SLC38A4: variants seen among roughly 807,000 people sequenced by gnomAD.
SLC38A4 encodes the protein solute carrier family 38 member 4.
Under a neutral mutation model 63.1 loss-of-function variants are expected in SLC38A4, and 20 were observed. The ratio of observed to expected loss-of-function variants is 0.32; its 90% CI spans 0.22 to 0.46. The LOEUF is 0.46. Ranked by LOEUF, SLC38A4 falls within the 20% of genes least tolerant of loss-of-function variation. SLC38A4 has a pLI of 1.00. For missense variants in SLC38A4, 526 were observed against 663.6 expected (o/e 0.79, Z 2.28); for synonymous variants, 230 against 225.5 (o/e 1.02, Z -0.18).
intron 7 of SLC38A4, among the ~76,000 whole-genome samples, chr12:46,783,020 A>ATGTGTGTG (rs71437771): frequency 0.071 from 7,396 of 103,586 alleles, 310 homozygotes; most frequent in South Asian, 0.15. Flanking sequence ...GAGAGAGAAA[A>ATGTGTGTG]TGTGTGTGTG....
In SLC38A4 at chr12:46,779,956, T is replaced by C. The variant is rs1215184413; in HGVS notation, c.568A>G (p.Asn190Asp). ...VIRAFMGLEENTGEWYLNGNY... is the reference protein window; with the variant it reads ...VIRAFMGLEEDTGEWYLNGNY... Reference sequence around the variant, plus strand: ...AGGGAGCATAAGACATACCCAGTATTTTCTTCAAGTCCCATGAATGCTCTG... The same window carrying C: ...AGGGAGCATAAGACATACCCAGTATCTTCTTCAAGTCCCATGAATGCTCTG... The change falls in exon 8 of 17, where the codon AAT (asparagine) becomes GAT (aspartate). Residue 190 changes from asparagine to aspartate, a missense_variant. Coordinates refer to ENST00000266579, the MANE Select transcript of SLC38A4 (RefSeq NM_018018.5). 5.0e-6 allele frequency: 8 copies of C among 1,612,268 alleles called. No individual in the cohort carries two copies. Among genetic ancestry groups the C allele is most frequent in the Non-Finnish European group, 5.9e-6 (7 of 1,178,796 alleles).
At chr12:46,823,942 TC>T (rs1359298184) in intron 1 of SLC38A4, among the ~76,000 whole-genome samples, 2 of 152,234 alleles carry the variant, frequency 1.3e-5, no homozygotes. Flanking sequence ...TGAAGGGACC[TC>T]TGGGAGACCT....
At chr12:46,774,916 G>T (rs2120756930) in intron 14 of SLC38A4, 133 bp downstream of exon 14, 1 of 1,042,242 alleles carries the variant, frequency 9.6e-7, no homozygotes. Flanking sequence ...GACTCAAAAT[G>T]CTATAGGAAA....
In SLC38A4 at chr12:46,779,654, G is replaced by A; in HGVS notation, c.674C>T (p.Thr225Ile). The change falls in exon 10 of 17, where the codon ACC (threonine) becomes ATC (isoleucine). Residue 225 changes from threonine (T) to isoleucine (I), a missense_variant. By Grantham distance (89) the Thr-to-Ile change is moderately conservative. Coordinates refer to ENST00000266579, the MANE Select transcript of SLC38A4 (RefSeq NM_018018.5). ...LLKNLGYLGY[T>I]SGFSLTCMVF... ...CATGCAGGTAAGAGAAAATCCACTGGTATAGCCAAGATAACCTAGAAGTTA... is the reference window on the plus strand; with the variant it reads ...CATGCAGGTAAGAGAAAATCCACTGATATAGCCAAGATAACCTAGAAGTTA... 1.2e-6 allele frequency: 2 copies of A among 1,607,796 alleles called. No homozygotes were observed. Among genetic ancestry groups the A allele is most frequent in the Non-Finnish European group, 1.7e-6 (2 of 1,177,914 alleles).
At chr12:46,814,490 A>G (rs1302847131) in intron 1 of SLC38A4, among the ~76,000 whole-genome samples, 1 of 151,930 alleles carries the variant, frequency 6.6e-6, no homozygotes, top group Non-Finnish European at 1.5e-5. Context: ...GCTTTGGGTT[A>G]ATCTTTTTTG....
intron 2 of SLC38A4, among the ~76,000 whole-genome samples, chr12:46,798,472 T>C (rs1939062012): frequency 6.6e-6 from 1 of 152,082 alleles, no homozygotes; most frequent in Non-Finnish European, 1.5e-5. Flanking sequence ...CCAGCCCCTC[T>C]AGGGGGCCAT....
At position 46,799,614 on chromosome 12, in the gene SLC38A4, T is replaced by G. The variant is rs113927872; in HGVS notation, c.-113+3989A>C. Among the ~76,000 whole-genome samples, 131 of 152,236 alleles carry G rather than the reference T, an allele frequency of 8.6e-4. 3 individuals are homozygous for G. The highest frequency in any genetic ancestry group is 3.0e-3 in the African/African-American group (126 of 41,558). On this transcript the variant is annotated intron_variant, in intron 2 of 16. Coordinates refer to ENST00000266579, the MANE Select transcript of SLC38A4 (RefSeq NM_018018.5). ...TCTCAAAAAAAAATGTATTCTATTT[T>G]TGCCTTGGCCAAGGGAGCTCTCACA...
chr12:46,831,700 C>G (rs1386962304), intron 1 of SLC38A4, among the ~76,000 whole-genome samples: 1 of 152,226 alleles, frequency 6.6e-6, no homozygotes, highest in Non-Finnish European at 1.5e-5. Flanking sequence ...TGGGGCGACC[C>G]AGCTATCAGA....
intron 10 of SLC38A4, among the ~76,000 whole-genome samples, chr12:46,779,063 T>C (rs1017324140): frequency 2.6e-5 from 4 of 152,004 alleles, no homozygotes; most frequent in Non-Finnish European, 5.9e-5. Flanking sequence ...TCCTTATTTC[T>C]TCAAACTAAG....
Position 46,775,115 on chromosome 12 carries a change from A to G in SLC38A4, c.1233T>C (p.Pro411=), listed in dbSNP as rs180414. The G allele has an allele frequency of 4.8e-4, 773 of 1,612,892 alleles. 5 individuals are homozygous for G. The African/African-American group carries it at 8.9e-3, about 19-fold the overall frequency. The part of the protein sequence containing the change: ...AYSKVYTLDI[P]LLMVRLAVLV... ...GGACTGCCAGGCGAACCATGAGAAG[A>G]GGGATGTCTAATGTATACACTTTGC... is the stretch of plus-strand genomic sequence containing the variant. Residue 411 remains proline (P), a synonymous_variant, in exon 14 of 17, where the codon CCT becomes CCC. Transcript: ENST00000266579.
rs139504322 is a variant in SLC38A4 at position 46,769,294 on chromosome 12, G to T, written c.1434C>A (p.Phe478Leu). ...CTTTCTGAAACTCACCTATGAATCC[G>T]AAGATGTATTTTATAGTTGGCACAA... ...VILVPTIKYI[F>L]GFIGASSATM... The change falls in exon 15 of 17, where the codon TTC becomes TTA. Residue 478 changes from phenylalanine to leucine, a missense_variant. By Grantham distance (22) the Phe-to-Leu change is conservative (BLOSUM62 0). Coordinates refer to ENST00000266579, the MANE Select transcript of SLC38A4 (RefSeq NM_018018.5). 1 of 1,613,006 alleles carries T rather than the reference G, an allele frequency of 6.2e-7. No individual in the cohort carries two copies. Among genetic ancestry groups the T allele is most frequent in the South Asian group, 1.1e-5 (1 of 91,032 alleles).
chr12:46,782,753 C>T (rs12301214), intron 7 of SLC38A4, among the ~76,000 whole-genome samples: 13,132 of 150,780 alleles, frequency 0.087, 1,510 homozygotes, highest in African/African-American at 0.25. Flanking sequence ...ATTTCATCCT[C>T]ACAATAGCCT....
At chr12:46,794,702 G>A (rs1938964157) in intron 2 of SLC38A4, among the ~76,000 whole-genome samples, 1 of 151,514 alleles carries the variant, frequency 6.6e-6, no homozygotes, top group Non-Finnish European at 1.5e-5. Flanking sequence ...GAGGAATGGG[G>A]AAAAAATAAG....
At chr12:46,820,235 C>T (rs749191607) in intron 1 of SLC38A4, among the ~76,000 whole-genome samples, 3 of 152,032 alleles carry the variant, frequency 2.0e-5, no homozygotes, top group Non-Finnish European at 2.9e-5. Context: ...ACAACACTTT[C>T]GTGCCTAACG....
intron 1 of SLC38A4, among the ~76,000 whole-genome samples, chr12:46,831,084 A>G (rs1411751676): frequency 6.6e-6 from 1 of 152,202 alleles, no homozygotes; most frequent in African/African-American, 2.4e-5. Context: ...AGTAAGGGCA[A>G]TCTTCCATCT....
chr12:46,824,657 C>G (rs375187074), intron 1 of SLC38A4, among the ~76,000 whole-genome samples: 3 of 152,146 alleles, frequency 2.0e-5, no homozygotes, highest in East Asian at 3.8e-4. Context: ...AAAACTCAGT[C>G]TCAAAAAGAT....
At chr12:46,824,121 T>C (rs1352452639) in intron 1 of SLC38A4, among the ~76,000 whole-genome samples, 1 of 152,208 alleles carries the variant, frequency 6.6e-6, no homozygotes, top group Non-Finnish European at 1.5e-5. Context: ...GCCATGCCAC[T>C]GTCCCTCAGT....
intron 12 of SLC38A4, 38 bp downstream of exon 12, chr12:46,778,251 C>T (rs773283938): frequency 2.8e-5 from 45 of 1,597,116 alleles, no homozygotes; most frequent in Non-Finnish European, 3.7e-5. Flanking sequence ...AGCAGAATTT[C>T]AAAGCAAATT....
intron 1 of SLC38A4, among the ~76,000 whole-genome samples, chr12:46,815,408 C>T (rs1222394562): frequency 1.3e-5 from 2 of 151,312 alleles, no homozygotes; most frequent in Admixed American, 6.6e-5. Flanking sequence ...CAACTCTTCC[C>T]TTCCTCTCTT....
Sources: allele counts gnomAD v4.1 joint callset (sites outside exome capture counted in the v4.1 genomes callset), GRCh38; gene constraint gnomAD v4.1.1; transcripts MANE v1.5; gene names NCBI Gene and HGNC (gene_info 2026-07-23, HGNC 2026-07-21).